The following CCDC178 variants were observed in gnomAD, a reference collection of about 807,000 sequenced individuals.
The protein encoded by CCDC178 is coiled-coil domain-containing protein 178.
CCDC178 carries 126 observed loss-of-function variants against 117.4 expected under a neutral mutation model. The observed-to-expected ratio is 1.07, with a 90% CI of 0.93 to 1.24. The LOEUF (loss-of-function observed/expected upper bound fraction) is 1.24. CCDC178 is among the 50% of genes most tolerant of loss of function. The probability of loss-of-function intolerance (pLI) is 0.00; values close to 1 mark genes in which losing one functional copy is unlikely to be tolerated. For synonymous variants in CCDC178, 283 were observed against 313.4 expected (o/e 0.90, Z 1.02); for missense variants, 1,030 against 986.9 (o/e 1.04, Z -0.59).
At chr18:33,105,537 T>C (rs1417537345) in intron 20 of CCDC178, among the ~76,000 whole-genome samples, 2 of 151,618 alleles carry the variant, frequency 1.3e-5, no homozygotes, top group Admixed American at 6.6e-5. Flanking sequence ...ACTTGAGTCA[T>C]GTGTTCTTAA....
At chr18:33,358,520 T>A (rs1254046822) in intron 6 of CCDC178, among the ~76,000 whole-genome samples, 1 of 151,918 alleles carries the variant, frequency 6.6e-6, no homozygotes, top group Non-Finnish European at 1.5e-5. Context: ...ATGGATATGG[T>A]ATGGCTGATT....
At position 33,170,932 on chromosome 18, in the gene CCDC178, G is replaced by A. The variant is rs139052927; in HGVS notation, c.2238+40964C>T. ...TTTTCTAGAAAAAAATACTGTTTCT[G>A]CTTTATGTTATGGTTTCTCTATGTA... On this transcript the variant is annotated intron_variant, in intron 20 of 22. Coordinates refer to ENST00000383096, the MANE Select transcript of CCDC178 (RefSeq NM_001105528.4). Among the ~76,000 whole-genome samples, 337 of 152,168 alleles carry A rather than the reference G, an allele frequency of 2.2e-3. 1 individual carries two copies. The highest frequency in any genetic ancestry group is 3.7e-3 in the Non-Finnish European group (249 of 67,988).
At chr18:33,266,765 C>T in intron 14 of CCDC178, 151 bp downstream of exon 14, 1 of 794,502 alleles carries the variant, frequency 1.3e-6, no homozygotes, top group Non-Finnish European at 1.8e-6. Flanking sequence ...CCCAGAGTGA[C>T]TAAAGGCAAC....
intron 15 of CCDC178, among the ~76,000 whole-genome samples, chr18:33,237,576 C>T (rs1161728654): frequency 6.6e-6 from 1 of 151,896 alleles, no homozygotes; most frequent in African/African-American, 2.4e-5. Context: ...AAATGCCCCC[C>T]ATACCAACCA....
chr18:33,406,464 G>C (rs986626848), intron 3 of CCDC178, among the ~76,000 whole-genome samples: 1 of 151,924 alleles, frequency 6.6e-6, no homozygotes, highest in Non-Finnish European at 1.5e-5. Context: ...TAGTATTACA[G>C]CTCATAACAT....
intron 6 of CCDC178, among the ~76,000 whole-genome samples, chr18:33,360,056 A>AT (rs1340770759): frequency 1.3e-5 from 2 of 150,398 alleles, no homozygotes; most frequent in Middle Eastern, 3.2e-3. Flanking sequence ...TATGTTAGAA[A>AT]TTTTTTTTTA....
intron 15 of CCDC178, among the ~76,000 whole-genome samples, chr18:33,241,434 GT>G (rs2059486825): frequency 3.0e-4 from 1 of 3,356 alleles, no homozygotes; most frequent in South Asian, 0.05. Context: ...ATGATCGTGT[GT>G]GTGTGTGTGT....
At chr18:33,058,066 C>T (rs958156133) in intron 21 of CCDC178, among the ~76,000 whole-genome samples, 3 of 149,006 alleles carry the variant, frequency 2.0e-5, no homozygotes, top group African/African-American at 7.7e-5. Context: ...TAAAATGGTA[C>T]TGCCACTTTG....
At chr18:33,190,440 C>A (rs1304782405) in intron 20 of CCDC178, among the ~76,000 whole-genome samples, 3 of 152,126 alleles carry the variant, frequency 2.0e-5, no homozygotes, top group Admixed American at 6.5e-5. Context: ...TCTAAGACTA[C>A]AAATAGATAT....
intron 11 of CCDC178, among the ~76,000 whole-genome samples, chr18:33,316,454 C>A (rs1360896636): frequency 6.6e-6 from 1 of 152,024 alleles, no homozygotes; most frequent in African/African-American, 2.4e-5. Flanking sequence ...ATGCCTGAGC[C>A]CCCCGCACCC....
At chr18:32,960,007 C>T (rs189859144) in intron 22 of CCDC178, among the ~76,000 whole-genome samples, 151 of 151,938 alleles carry the variant, frequency 9.9e-4, no homozygotes, top group Non-Finnish European at 2.0e-3. Context: ...GGAAGAAATA[C>T]ATTTTGGCTT....
intron 15 of CCDC178, among the ~76,000 whole-genome samples, chr18:33,234,094 C>G (rs2059399263): frequency 6.6e-6 from 1 of 152,114 alleles, no homozygotes; most frequent in South Asian, 2.1e-4. Context: ...TTTGTACTAT[C>G]AAGATCCATA....
chr18:33,436,961 T>C (rs1278302858), intron 2 of CCDC178, among the ~76,000 whole-genome samples: 1 of 152,218 alleles, frequency 6.6e-6, no homozygotes, highest in East Asian at 1.9e-4. Context: ...CTAGGTCCTT[T>C]TTCATGCATA....
At chr18:33,254,957 G>T (rs1028005103) in intron 14 of CCDC178, among the ~76,000 whole-genome samples, 1 of 152,006 alleles carries the variant, frequency 6.6e-6, no homozygotes, top group African/African-American at 2.4e-5. Context: ...AGCAGGAAGA[G>T]TTTCAATCAT....
intron 20 of CCDC178, among the ~76,000 whole-genome samples, chr18:33,171,846 T>A (rs1306726610): frequency 1.3e-5 from 2 of 152,222 alleles, no homozygotes; most frequent in Non-Finnish European, 2.9e-5. Context: ...TTTGCGAAAC[T>A]TCGGTTTTAC....
intron 4 of CCDC178, among the ~76,000 whole-genome samples, chr18:33,396,702 A>T (rs1396740659): frequency 1.3e-5 from 2 of 152,156 alleles, no homozygotes; most frequent in Non-Finnish European, 2.9e-5. Context: ...GGATGCACAC[A>T]TATGGAACAC....
intron 5 of CCDC178, among the ~76,000 whole-genome samples, chr18:33,380,565 T>C (rs187943833): frequency 6.6e-6 from 1 of 152,164 alleles, no homozygotes; most frequent in Admixed American, 6.5e-5. Flanking sequence ...TCAGCCTGGG[T>C]TGCTCAGATC....
Position 32,964,204 on chromosome 18 carries a change from T to A in CCDC178, c.2523+10343A>T, listed in dbSNP as rs77364304. 2.2e-3 allele frequency among the ~76,000 whole-genome samples: 337 copies of A among 152,184 alleles called. 1 individual carries two copies. The highest frequency in any genetic ancestry group is 7.6e-3 in the African/African-American group (317 of 41,572). On this transcript the variant is annotated intron_variant, in intron 22 of 22. Coordinates refer to ENST00000383096, the MANE Select transcript of CCDC178 (RefSeq NM_001105528.4). ...TAGTCAGCTTTAGATGAGGGTGGAA[T>A]GCTGATTTACATTTAAAGGAAGATA...
At chr18:33,083,687 C>T (rs2057333258) in intron 21 of CCDC178, among the ~76,000 whole-genome samples, 1 of 152,170 alleles carries the variant, frequency 6.6e-6, no homozygotes, top group South Asian at 2.1e-4. Context: ...GAGAAGTTAT[C>T]TTTTAAGGGA....
Sources: allele counts gnomAD v4.1 joint callset (sites outside exome capture counted in the v4.1 genomes callset), GRCh38; gene constraint gnomAD v4.1.1; transcripts MANE v1.5; gene names NCBI Gene and HGNC (gene_info 2026-07-23, HGNC 2026-07-21).